The following PTPRD variants were observed in gnomAD, a reference collection of about 807,000 sequenced individuals.
PTPRD encodes the protein protein tyrosine phosphatase receptor type D.
Under a neutral mutation model 214.5 loss-of-function variants are expected in PTPRD, and 34 were observed. The observed-to-expected ratio is 0.16, with a 90% CI of 0.12 to 0.21. PTPRD has a LOEUF of 0.21. Ranked by LOEUF, PTPRD falls within the 10% of genes least tolerant of loss-of-function variation. The pLI is 1.00. For missense variants in PTPRD, 2,545 were observed against 2,398.7 expected (o/e 1.06, Z -1.27); for synonymous variants, 1,128 against 845.7 (o/e 1.33, Z -5.79).
intron 35 of PTPRD, among the ~76,000 whole-genome samples, chr9:8,416,631 G>T (rs1021973046): frequency 1.3e-5 from 2 of 152,148 alleles, no homozygotes; most frequent in Non-Finnish European, 2.9e-5. Flanking sequence ...GGTAACTTCA[G>T]TGTAGATTTA....
At chr9:9,661,998 C>A (rs908585347) in intron 7 of PTPRD, among the ~76,000 whole-genome samples, 6 of 151,676 alleles carry the variant, frequency 4.0e-5, no homozygotes, top group South Asian at 2.1e-4. Flanking sequence ...GGTACATATG[C>A]ACCAAACACA....
chr9:9,837,754 AT>A (rs200428165), intron 5 of PTPRD, among the ~76,000 whole-genome samples: 5 of 150,990 alleles, frequency 3.3e-5, no homozygotes, highest in African/African-American at 1.2e-4. Flanking sequence ...TCCTTGCTGC[AT>A]TTTTTTATTC....
At chr9:10,208,266 G>A (rs1362253892) in intron 3 of PTPRD, among the ~76,000 whole-genome samples, 2 of 152,080 alleles carry the variant, frequency 1.3e-5, no homozygotes, top group Non-Finnish European at 2.9e-5. Context: ...CGTAATCCCA[G>A]CACTTTGGGT....
In PTPRD at chr9:9,220,191, G is replaced by C. The variant is rs28370329; in HGVS notation, c.-202-36828C>G. 3.2e-3 allele frequency among the ~76,000 whole-genome samples: 480 copies of C among 152,046 alleles called. 4 individuals are homozygous for C. The highest frequency in any genetic ancestry group is 0.011 in the African/African-American group (447 of 41,494). On this transcript the variant is annotated intron_variant, in intron 9 of 45. Transcript: ENST00000381196. ...TAAACTCATGCCTGTGACATTTTTA[G>C]AGTATTATAATAAATGGACACATTC...
chr9:9,842,298 ATTTTTT>A (rs138386194), intron 5 of PTPRD, among the ~76,000 whole-genome samples: 14 of 91,402 alleles, frequency 1.5e-4, no homozygotes, highest in South Asian at 4.6e-4. Context: ...GAAGGAGAGC[ATTTTTT>A]TTTTTTTTTT....
intron 11 of PTPRD, among the ~76,000 whole-genome samples, chr9:8,980,114 G>T (rs1465621211): frequency 6.6e-6 from 1 of 151,938 alleles, no homozygotes; most frequent in Non-Finnish European, 1.5e-5. Context: ...TGCATTAAGT[G>T]AAATAAGCCA....
At chr9:10,086,754 C>A (rs73392154) in intron 3 of PTPRD, among the ~76,000 whole-genome samples, 1,879 of 151,864 alleles carry the variant, frequency 0.012, 41 homozygotes, top group African/African-American at 0.042. Context: ...AACAAAAATG[C>A]AAACACAACT....
At chr9:10,127,777 C>G (rs1436774473) in intron 3 of PTPRD, among the ~76,000 whole-genome samples, 1 of 152,094 alleles carries the variant, frequency 6.6e-6, no homozygotes, top group Non-Finnish European at 1.5e-5. Flanking sequence ...CTGCAATAAT[C>G]TATTTTGATC....
chr9:9,331,444 C>T (rs1208159889), intron 9 of PTPRD, among the ~76,000 whole-genome samples: 1 of 152,052 alleles, frequency 6.6e-6, no homozygotes, highest in Admixed American at 6.6e-5. Flanking sequence ...ATCTGCGCAT[C>T]TAATCCTATC....
chr9:10,130,392 C>G (rs533799377), intron 3 of PTPRD, among the ~76,000 whole-genome samples: 18 of 152,190 alleles, frequency 1.2e-4, no homozygotes, highest in African/African-American at 4.1e-4. Context: ...TGTCATTGAT[C>G]TTTCCCCATT....
At chr9:10,259,470 T>C (rs1467092706) in intron 3 of PTPRD, among the ~76,000 whole-genome samples, 1 of 152,182 alleles carries the variant, frequency 6.6e-6, no homozygotes, top group Non-Finnish European at 1.5e-5. Context: ...TCTACTCCTA[T>C]TCTTGACCCT....
At chr9:9,251,664 G>C (rs1231749017) in intron 9 of PTPRD, among the ~76,000 whole-genome samples, 1 of 152,062 alleles carries the variant, frequency 6.6e-6, no homozygotes, top group Non-Finnish European at 1.5e-5. Flanking sequence ...AAGGCTGAGA[G>C]TTCTTTAGGA....
rs1417668739 is a variant in PTPRD at position 10,036,212 on chromosome 9, AG to A, written c.-544-2423del. ...TTAGGACTGACAGTCTACATACACT[AG>A]TGGAATCTCTGCTTTCTCAGGCCTA... On this transcript the variant is annotated intron_variant, in intron 3 of 45. Transcript: ENST00000381196. Among the ~76,000 whole-genome samples, 7 of 152,274 alleles carry A rather than the reference AG, an allele frequency of 4.6e-5. No homozygotes were observed. The East Asian group carries it at 1.4e-3, about 29-fold the overall frequency.
chr9:8,485,739 G>A (rs749428131), intron 28 of PTPRD, 23 bp downstream of exon 28: 18 of 1,568,352 alleles, frequency 1.1e-5, no homozygotes, highest in African/African-American at 4.1e-5. Flanking sequence ...AAAGGAGGAA[G>A]GCCGTAAGCA....
intron 2 of PTPRD, among the ~76,000 whole-genome samples, chr9:10,390,250 T>G (rs1428701552): frequency 6.6e-6 from 1 of 151,812 alleles, no homozygotes; most frequent in East Asian, 1.9e-4. Context: ...ACCAAAATCA[T>G]ACCATGTGGT....
Position 10,364,547 on chromosome 9 carries a change from A to G in PTPRD, c.-599-23530T>C, listed in dbSNP as rs541048172. On this transcript the variant is annotated intron_variant, in intron 2 of 45. Coordinates refer to ENST00000381196, the MANE Select transcript of PTPRD (RefSeq NM_002839.4). The stretch of plus-strand genomic sequence containing the variant: ...TACTCCAGGCTGCTTCTCTTTATGC[A>G]TTTCTTAGAAAAATATATTTGAAAT... Among the ~76,000 whole-genome samples the G allele has an allele frequency of 3.3e-5, 5 of 152,306 alleles. No individual in the cohort carries two copies. In the East Asian group the frequency reaches 9.7e-4, roughly 29 times the overall value.
chr9:9,510,246 A>C (rs928313485), intron 8 of PTPRD, among the ~76,000 whole-genome samples: 1 of 149,348 alleles, frequency 6.7e-6, no homozygotes, highest in Non-Finnish European at 1.5e-5. Context: ...CATTAAAGTC[A>C]TTTTTTTTTC....
Position 10,093,884 on chromosome 9 carries a change from T to G in PTPRD, c.-544-60094A>C, listed in dbSNP as rs531757858. On this transcript the variant is annotated intron_variant, in intron 3 of 45. Coordinates refer to ENST00000381196, the MANE Select transcript of PTPRD (RefSeq NM_002839.4). ...CTCACTTGTAAATGGGAGCTAAACATTGAGTATGCATGAATATAAAGATAG... is the reference window on the plus strand; with the variant it reads ...CTCACTTGTAAATGGGAGCTAAACAGTGAGTATGCATGAATATAAAGATAG... 3.0e-4 allele frequency among the ~76,000 whole-genome samples: 46 copies of G among 151,252 alleles called. 1 individual carries two copies. Among genetic ancestry groups the G allele is most frequent in the Non-Finnish European group, 8.9e-5 (6 of 67,568 alleles).
At chr9:9,585,277 G>T (rs971847768) in intron 7 of PTPRD, among the ~76,000 whole-genome samples, 1 of 152,046 alleles carries the variant, frequency 6.6e-6, no homozygotes, top group Non-Finnish European at 1.5e-5. Flanking sequence ...TTGAGTGAAT[G>T]CAACAATCAA....
Sources: gnomAD v4.1 joint callset for allele counts (sites outside exome capture counted in the v4.1 genomes callset) on GRCh38, gnomAD v4.1.1 for gene constraint, MANE v1.5 for transcripts, NCBI Gene and HGNC (gene_info 2026-07-23, HGNC 2026-07-21) for gene names.